The following ZMAT3 variants were observed in gnomAD, a reference collection of about 807,000 sequenced individuals.
ZMAT3 encodes zinc finger matrin-type 3, also known as zinc finger matrin-type protein 3.
Under a neutral mutation model 32.3 loss-of-function variants are expected in ZMAT3, and 17 were observed. That is an observed-to-expected ratio of 0.53 (90% CI 0.36 to 0.79). ZMAT3 has a LOEUF of 0.79. Among genes scored for constraint, ZMAT3 ranks in the 30% least tolerant of loss-of-function variants. The probability of loss-of-function intolerance (pLI) is 0.00; values close to 1 mark genes in which losing one functional copy is unlikely to be tolerated. For missense variants in ZMAT3, 329 were observed against 359.7 expected, an observed-to-expected ratio of 0.91 and a Z score of 0.69; for synonymous variants, 120 against 133.1, an observed-to-expected ratio of 0.90 and a Z score of 0.68.
chr3:179,069,338 T>TC (rs979861292), intron 1 of ZMAT3, among the ~76,000 whole-genome samples: 9 of 151,664 alleles, frequency 5.9e-5, no homozygotes, highest in Non-Finnish European at 1.0e-4. Context: ...GTCTCCTGCC[T>TC]CCCCCCCAGA....
At chr3:179,061,583 G>GT (rs201276049) in intron 2 of ZMAT3, among the ~76,000 whole-genome samples, 105 of 148,916 alleles carry the variant, frequency 7.1e-4, no homozygotes, top group Non-Finnish European at 8.5e-4. Flanking sequence ...CTTCTCTCTA[G>GT]TTTTTTTTTT....
intron 2 of ZMAT3, among the ~76,000 whole-genome samples, chr3:179,060,271 C>T (rs1242326292): frequency 2.0e-5 from 3 of 151,818 alleles, no homozygotes; most frequent in African/African-American, 7.3e-5. Context: ...ATCAATTATA[C>T]TTCAATAAAG....
At chr3:179,052,596 C>A (rs1720627517) in intron 2 of ZMAT3, among the ~76,000 whole-genome samples, 1 of 152,106 alleles carries the variant, frequency 6.6e-6, no homozygotes, top group South Asian at 2.1e-4. Context: ...GAGATTCCTT[C>A]CTTAAAGAAC....
chr3:179,051,575 G>A (rs1191006980), intron 2 of ZMAT3, among the ~76,000 whole-genome samples: 2 of 152,040 alleles, frequency 1.3e-5, no homozygotes, highest in African/African-American at 4.8e-5. Flanking sequence ...TGACCACACT[G>A]CAAAAAGCAA....
chr3:179,037,377 G>A (rs983229618), intron 2 of ZMAT3, among the ~76,000 whole-genome samples: 48 of 152,198 alleles, frequency 3.2e-4, no homozygotes, highest in African/African-American at 1.1e-3. Context: ...CTGAGTTTTC[G>A]GGCACCACCC....
chr3:179,067,123 TTGTC>T (rs1439982276), intron 2 of ZMAT3, among the ~76,000 whole-genome samples: 4 of 152,194 alleles, frequency 2.6e-5, no homozygotes, highest in Non-Finnish European at 4.4e-5. Flanking sequence ...GTTTTTTTGT[TTGTC>T]TGAGACAAAG....
chr3:179,069,629 T>C (rs1424910935), intron 1 of ZMAT3, among the ~76,000 whole-genome samples: 1 of 152,212 alleles, frequency 6.6e-6, no homozygotes, highest in Non-Finnish European at 1.5e-5. Context: ...TATTTTACCA[T>C]ATTTGATAAC....
At chr3:179,040,016 G>A (rs759194543) in intron 2 of ZMAT3, among the ~76,000 whole-genome samples, 2 of 152,090 alleles carry the variant, frequency 1.3e-5, no homozygotes, top group Non-Finnish European at 2.9e-5. Flanking sequence ...AATAAAGCAA[G>A]AAGACATGGT....
intron 2 of ZMAT3, among the ~76,000 whole-genome samples, chr3:179,036,016 G>A (rs1719571550): frequency 6.6e-6 from 1 of 152,168 alleles, no homozygotes; most frequent in Non-Finnish European, 1.5e-5. Context: ...TTGGAGGAGA[G>A]GCAAAAATTG....
chr3:179,041,932 T>A (rs1163333549), intron 2 of ZMAT3, among the ~76,000 whole-genome samples: 5 of 152,144 alleles, frequency 3.3e-5, no homozygotes, highest in Middle Eastern at 3.4e-3. Context: ...AAATACAAAC[T>A]ACCATCAGTG....
intron 2 of ZMAT3, among the ~76,000 whole-genome samples, chr3:179,044,886 G>A (rs760378239): frequency 9.2e-5 from 14 of 152,000 alleles, no homozygotes; most frequent in Admixed American, 6.6e-5. Context: ...GTCAGGGGGC[G>A]GGGGACTAGG....
intron 2 of ZMAT3, among the ~76,000 whole-genome samples, chr3:179,040,492 A>G (rs1390474013): frequency 6.6e-6 from 1 of 152,204 alleles, no homozygotes; most frequent in Non-Finnish European, 1.5e-5. Flanking sequence ...AAGCTTCATA[A>G]GTGAAGGAGA....
intron 5 of ZMAT3, among the ~76,000 whole-genome samples, 170 bp from the exon 6 acceptor site, chr3:179,025,398 G>T (rs1030517103): frequency 6.6e-6 from 1 of 152,130 alleles, no homozygotes; most frequent in Non-Finnish European, 1.5e-5. Flanking sequence ...TTTTACACAG[G>T]TTCGATCTAA....
At chr3:179,060,545 G>A (rs1721103716) in intron 2 of ZMAT3, among the ~76,000 whole-genome samples, 2 of 152,176 alleles carry the variant, frequency 1.3e-5, no homozygotes, top group Non-Finnish European at 2.9e-5. Flanking sequence ...TCAGGTGGCT[G>A]AGACAGGAGA....
chr3:179,045,829 C>G (rs1267206757), intron 2 of ZMAT3, among the ~76,000 whole-genome samples: 1 of 152,070 alleles, frequency 6.6e-6, no homozygotes, highest in Non-Finnish European at 1.5e-5. Context: ...TCATTCAGCA[C>G]AACAATAACC....
chr3:179,044,299 A>G (rs1720109824), intron 2 of ZMAT3, among the ~76,000 whole-genome samples: 1 of 152,244 alleles, frequency 6.6e-6, no homozygotes. Context: ...ACTATTCACA[A>G]TAGCAAAGAC....
At position 179,067,815 on chromosome 3, in the gene ZMAT3, T is replaced by A. The variant is rs2108592595; in HGVS notation, c.-57-6A>T. ...GAGAAGCAAGGTCTTCAAATCTGAA[T>A]CAACAGCAAAAAAACAGAAAAAAAA... is the stretch of plus-strand genomic sequence containing the variant. On this transcript the variant is annotated splice_region_variant and splice_polypyrimidine_tract_variant and intron_variant, in intron 1 of 5. Coordinates refer to ENST00000311417, the MANE Select transcript of ZMAT3 (RefSeq NM_022470.4). 4 of 1,561,952 alleles carry A rather than the reference T, an allele frequency of 2.6e-6. No homozygotes were observed. Among genetic ancestry groups the A allele is most frequent in the African/African-American group, 2.8e-5 (2 of 72,376 alleles).
Position 179,021,944 on chromosome 3 carries a change from G to A in ZMAT3, c.*3073C>T. 6.6e-6 allele frequency: 1 copy of A among 152,142 alleles called. No homozygotes were observed. Among genetic ancestry groups the A allele is most frequent in the Admixed American group, 6.5e-5 (1 of 15,274 alleles). The allele number at this position is 152,142 out of a possible 1,614,324, so 9.4% of individuals were successfully genotyped here. On this transcript the variant is annotated 3_prime_UTR_variant, in exon 6 of 6. Transcript: ENST00000311417. ...TTGTGATTTTTTTTCAGATGTGCAT[G>A]TAACTTTTACAAGTGATCATGGAAG...
In ZMAT3 at chr3:179,032,137, C is replaced by T. The variant is rs1239168281; in HGVS notation, c.271-1138G>A. 2.7e-4 allele frequency among the ~76,000 whole-genome samples: 40 copies of T among 149,568 alleles called. 1 individual carries two copies. The highest frequency in any genetic ancestry group is 1.5e-3 in the South Asian group (7 of 4,628). Reference sequence around the variant, plus strand: ...CCTGCCTCAGCCTGCCGAGTGCCTGCGATTGCAGGTGTGCGCCGCCACGCC... The same window carrying T: ...CCTGCCTCAGCCTGCCGAGTGCCTGTGATTGCAGGTGTGCGCCGCCACGCC... On this transcript the variant is annotated intron_variant, in intron 2 of 5. Coordinates refer to ENST00000311417, the MANE Select transcript of ZMAT3 (RefSeq NM_022470.4).
Sources: allele counts gnomAD v4.1 joint callset (sites outside exome capture counted in the v4.1 genomes callset), GRCh38; gene constraint gnomAD v4.1.1; transcripts MANE v1.5; gene names NCBI Gene and HGNC (gene_info 2026-07-23, HGNC 2026-07-21).